The following MYO16 variants were observed in gnomAD, a reference collection of about 807,000 sequenced individuals.
The protein encoded by MYO16 is myosin XVI.
In MYO16, 94 loss-of-function variants were observed where a neutral mutation model predicts 205.3. That is an observed-to-expected ratio of 0.46 (90% confidence interval 0.39 to 0.54). The LOEUF is 0.54. Ranked by LOEUF, MYO16 falls within the 20% of genes least tolerant of loss-of-function variation. The pLI is 0.00. For synonymous variants in MYO16, 988 were observed against 954.0 expected, an observed-to-expected ratio of 1.04 and a Z score of -0.66; for missense variants, 2,315 against 2,387.5, an observed-to-expected ratio of 0.97 and a Z score of 0.63.
At chr13:109,082,790 A>AAAAAAG (rs539118911) in intron 27 of MYO16, among the ~76,000 whole-genome samples, 7 of 151,740 alleles carry the variant, frequency 4.6e-5, no homozygotes, top group Admixed American at 1.3e-4. Flanking sequence ...ACTCCATCTC[A>AAAAAAG]AAAAAGAAAA....
chr13:109,041,145 A>C (rs2139579466), intron 23 of MYO16, among the ~76,000 whole-genome samples: 1 of 152,326 alleles, frequency 6.6e-6, no homozygotes, highest in South Asian at 2.1e-4. Flanking sequence ...TGTAAATCTA[A>C]CAAAATATGT....
intron 27 of MYO16, among the ~76,000 whole-genome samples, chr13:109,074,984 C>T (rs1045530694): frequency 6.6e-6 from 1 of 152,148 alleles, no homozygotes; most frequent in African/African-American, 2.4e-5. Flanking sequence ...TTTACTCTTG[C>T]GTCTGGTTTC....
At chr13:109,038,975 C>T (rs1429208656) in intron 23 of MYO16, among the ~76,000 whole-genome samples, 2 of 152,108 alleles carry the variant, frequency 1.3e-5, no homozygotes, top group Non-Finnish European at 2.9e-5. Flanking sequence ...AGAGATAATA[C>T]CCCACTACCC....
intron 32 of MYO16, among the ~76,000 whole-genome samples, chr13:109,144,649 A>G (rs566831104): frequency 5.3e-5 from 8 of 152,330 alleles, no homozygotes; most frequent in Admixed American, 3.3e-4. Flanking sequence ...TTCTTACCAA[A>G]TAATACAGTG....
At chr13:108,689,336 A>T (rs1456945123) in intron 2 of MYO16, among the ~76,000 whole-genome samples, 1 of 152,136 alleles carries the variant, frequency 6.6e-6, no homozygotes, top group East Asian at 1.9e-4. Context: ...AAATAGTATA[A>T]TTATTTAGCT....
chr13:108,799,657 G>A (rs984276682), intron 6 of MYO16, among the ~76,000 whole-genome samples: 1 of 152,130 alleles, frequency 6.6e-6, no homozygotes, highest in African/African-American at 2.4e-5. Flanking sequence ...TTCACCCCCA[G>A]CCCCCGAATT....
At chr13:109,206,038 A>C (rs1415624359) in intron 34 of MYO16, among the ~76,000 whole-genome samples, 5 of 152,198 alleles carry the variant, frequency 3.3e-5, no homozygotes, top group African/African-American at 1.2e-4. Context: ...TAATGCTTGA[A>C]AACATTTTCT....
At chr13:108,573,211 C>T in the MYO16 span, among the ~76,000 whole-genome samples, 1 of 152,160 alleles carries the variant, frequency 6.6e-6, no homozygotes, top group Non-Finnish European at 1.5e-5. Flanking sequence ...AAACCAGCAA[C>T]AAGTGGGAGG....
chr13:109,020,515 C>T (rs1176155083), intron 23 of MYO16, among the ~76,000 whole-genome samples: 1 of 152,154 alleles, frequency 6.6e-6, no homozygotes, highest in Non-Finnish European at 1.5e-5. Context: ...TGCAAGATCT[C>T]TGTTCAGGTT....
intron 2 of MYO16, among the ~76,000 whole-genome samples, chr13:108,667,760 T>A (rs1881804950): frequency 6.6e-6 from 1 of 152,188 alleles, no homozygotes; most frequent in African/African-American, 2.4e-5. Flanking sequence ...CAAAAAATAA[T>A]TGGTGCCAGG....
chr13:108,586,474 G>A, the MYO16 span, among the ~76,000 whole-genome samples: 3,700 of 152,208 alleles, frequency 0.024, 146 homozygotes, highest in African/African-American at 0.083. Flanking sequence ...ATGCTAAGTA[G>A]TGTATCCAAA....
At chr13:108,694,987 C>A (rs1178684576) in intron 2 of MYO16, among the ~76,000 whole-genome samples, 1 of 152,176 alleles carries the variant, frequency 6.6e-6, no homozygotes, top group South Asian at 2.1e-4. Context: ...TGGCACATTT[C>A]TGTAGTCCCA....
rs149187547 is a variant in MYO16, at chr13:108,723,852, TA to T, written c.364-3579del. On this transcript the variant is annotated intron_variant, in intron 3 of 34. Transcript: ENST00000457511. ...TTTAGATTCAGCTTTTCAATATCTA[TA>T]AAAAAAAACCCTTCTGGAATTATGA... is the stretch of plus-strand genomic sequence containing the variant. 3.4e-4 allele frequency among the ~76,000 whole-genome samples: 51 copies of T among 151,298 alleles called. 1 individual carries two copies. In the South Asian group the frequency reaches 7.9e-3, roughly 24 times the overall value.
intron 3 of MYO16, among the ~76,000 whole-genome samples, chr13:108,722,259 C>T (rs530569765): frequency 6.6e-6 from 1 of 152,110 alleles, no homozygotes; most frequent in Admixed American, 6.5e-5. Flanking sequence ...TAAAGTGTCA[C>T]CAGAAAGTGG....
rs3815983 is a variant in MYO16 at position 109,127,558 on chromosome 13, C to T, written c.4051+8C>T. On this transcript the variant is annotated splice_region_variant and intron_variant, in intron 31 of 34. Transcript: ENST00000457511. The surrounding 1 kb of genome is among the most constrained non-coding windows in gnomAD (Gnocchi z 4.2). ...GGGAAGCGGCCAACGAAGGTCAGCC[C>T]TGGGGAGGGACCCAGCCTCGTGTTC... is the stretch of plus-strand genomic sequence containing the variant. The T allele has an allele frequency of 0.35, 568,234 of 1,606,088 alleles. 102,395 individuals are homozygous for T. Among genetic ancestry groups the T allele is most frequent in the Admixed American group, 0.45 (26,822 of 59,764 alleles).
chr13:108,650,677 C>T (rs1338229176), intron 1 of MYO16, among the ~76,000 whole-genome samples: 1 of 152,118 alleles, frequency 6.6e-6, no homozygotes, highest in African/African-American at 2.4e-5. Flanking sequence ...GCCAGGAATC[C>T]AAGCTTGTCT....
At chr13:108,534,803 C>T in the MYO16 span, among the ~76,000 whole-genome samples, 1 of 149,670 alleles carries the variant, frequency 6.7e-6, no homozygotes, top group Non-Finnish European at 1.5e-5. Flanking sequence ...CTTCTTCTTC[C>T]TTCCTTCCTC....
At chr13:108,584,580 T>C in the MYO16 span, among the ~76,000 whole-genome samples, 4,058 of 152,250 alleles carry the variant, frequency 0.027, 172 homozygotes, top group African/African-American at 0.091. Flanking sequence ...CCCTCCATCT[T>C]GCTGTGTGTT....
intron 16 of MYO16, among the ~76,000 whole-genome samples, chr13:108,955,836 G>A (rs572869431): frequency 2.0e-5 from 3 of 152,248 alleles, no homozygotes; most frequent in South Asian, 4.1e-4. Context: ...GGGCAACAGA[G>A]GGAGATTCTA....
Sources: gnomAD v4.1 joint callset for allele counts (sites outside exome capture counted in the v4.1 genomes callset) on GRCh38, gnomAD v4.1.1 for gene constraint, Gnocchi (gnomAD v3.1) non-coding constraint, MANE v1.5 for transcripts, NCBI Gene and HGNC (gene_info 2026-07-23, HGNC 2026-07-21) for gene names.